The following RNF13 variants were observed in gnomAD, a reference collection of about 807,000 sequenced individuals.
The protein encoded by RNF13 is E3 ubiquitin-protein ligase RNF13.
RNF13 carries 19 observed loss-of-function variants against 37.7 expected under a neutral mutation model. The ratio of observed to expected loss-of-function variants is 0.50; its 90% CI spans 0.35 to 0.74. The LOEUF (loss-of-function observed/expected upper bound fraction) is 0.74, where lower values mean the gene tolerates loss of function less well. Among genes scored for constraint, RNF13 ranks in the 30% least tolerant of loss-of-function variants. The probability of loss-of-function intolerance (pLI) is 0.01; values close to 1 mark genes in which losing one functional copy is unlikely to be tolerated. For missense variants in RNF13, 375 were observed against 453.0 expected, an observed-to-expected ratio of 0.83 and a Z score of 1.56; for synonymous variants, 144 against 157.8, an observed-to-expected ratio of 0.91 and a Z score of 0.65.
At chr3:149,906,619 T>C (rs1287047062) in intron 6 of RNF13, among the ~76,000 whole-genome samples, 2 of 150,930 alleles carry the variant, frequency 1.3e-5, no homozygotes, top group Non-Finnish European at 2.9e-5. Context: ...AAGAGTGTGG[T>C]ATGTCCTTTC....
chr3:149,892,821 G>A (rs1714851967), intron 4 of RNF13, among the ~76,000 whole-genome samples: 1 of 152,086 alleles, frequency 6.6e-6, no homozygotes, highest in African/African-American at 2.4e-5. Flanking sequence ...AAAAGGTTGG[G>A]GACCCCTGGG....
intron 5 of RNF13, 138 bp from the exon 6 acceptor site, chr3:149,901,934 G>T (rs1006478260): frequency 9.0e-5 from 39 of 435,138 alleles, no homozygotes; most frequent in Non-Finnish European, 1.3e-4. Flanking sequence ...AATAAAATCT[G>T]CAATCTGGAA....
chr3:149,956,029 C>A (rs1721829240), intron 8 of RNF13, among the ~76,000 whole-genome samples: 1 of 152,028 alleles, frequency 6.6e-6, no homozygotes, highest in African/African-American at 2.4e-5. Context: ...TGAAAGAAGG[C>A]CACAAGGATG....
intron 4 of RNF13, among the ~76,000 whole-genome samples, chr3:149,887,834 G>A (rs1714221477): frequency 6.6e-6 from 1 of 152,148 alleles, no homozygotes; most frequent in Non-Finnish European, 1.5e-5. Flanking sequence ...TAAGGAGAAA[G>A]CATTCAGTCT....
chr3:149,830,664 A>G (rs899895148), intron 1 of RNF13, among the ~76,000 whole-genome samples: 4 of 146,062 alleles, frequency 2.7e-5, no homozygotes, highest in Non-Finnish European at 6.0e-5. Context: ...TGATGATGCA[A>G]TAGAAAAGAA....
intron 1 of RNF13, among the ~76,000 whole-genome samples, chr3:149,835,141 A>G (rs1488595521): frequency 6.6e-6 from 1 of 152,228 alleles, no homozygotes; most frequent in Non-Finnish European, 1.5e-5. Context: ...CCAAAAGCAC[A>G]GGCAAGAAAA....
At chr3:149,841,796 A>G (rs1279479448) in intron 1 of RNF13, among the ~76,000 whole-genome samples, 2 of 151,846 alleles carry the variant, frequency 1.3e-5, no homozygotes, top group African/African-American at 2.4e-5. Flanking sequence ...TGCCTGGCTA[A>G]TTTTTGTATT....
At chr3:149,928,143 C>A (rs1185067834) in intron 8 of RNF13, among the ~76,000 whole-genome samples, 2 of 151,510 alleles carry the variant, frequency 1.3e-5, no homozygotes, top group Admixed American at 6.6e-5. Context: ...AAATTCAGCA[C>A]AATTCCTATC....
intron 1 of RNF13, among the ~76,000 whole-genome samples, chr3:149,837,189 C>G (rs935293973): frequency 6.6e-6 from 1 of 152,162 alleles, no homozygotes; most frequent in Non-Finnish European, 1.5e-5. Flanking sequence ...CTGAAAAGAT[C>G]ACTGAAGAGT....
At chr3:149,925,485 T>A (rs561968129) in intron 8 of RNF13, among the ~76,000 whole-genome samples, 2 of 152,346 alleles carry the variant, frequency 1.3e-5, no homozygotes, top group Non-Finnish European at 2.9e-5. Flanking sequence ...TAATTTTGCC[T>A]ATTTTTGAAT....
intron 3 of RNF13, among the ~76,000 whole-genome samples, chr3:149,860,271 ATATATATAT>A (rs1341565659): frequency 1.5e-4 from 12 of 82,004 alleles, no homozygotes; most frequent in Admixed American, 3.2e-4. Flanking sequence ...AAAAAAAAAA[ATATATATAT>A]ATATATATAT....
At chr3:149,955,406 CAGAA>C (rs1721767497) in intron 8 of RNF13, among the ~76,000 whole-genome samples, 1 of 151,880 alleles carries the variant, frequency 6.6e-6, no homozygotes, top group African/African-American at 2.4e-5. Context: ...TGGAAATAAT[CAGAA>C]AGAGTTCTCA....
At position 149,956,019 on chromosome 3, in the gene RNF13, T is replaced by C. The variant is rs548008694; in HGVS notation, c.701-4037T>C. Among the ~76,000 whole-genome samples the C allele has an allele frequency of 2.4e-3, 367 of 152,232 alleles. 2 individuals carry two copies. The highest frequency in any genetic ancestry group is 3.3e-3 in the Non-Finnish European group (226 of 67,998). On this transcript the variant is annotated intron_variant, in intron 8 of 9. Coordinates refer to ENST00000392894, the MANE Select transcript of RNF13 (RefSeq NM_183381.3). ...CTTACTATCATATTTATTCAAAGAC[T>C]GAAAGAAGGCCACAAGGATGAAGCA...
intron 6 of RNF13, among the ~76,000 whole-genome samples, chr3:149,904,010 A>G (rs1716140012): frequency 6.6e-6 from 1 of 151,830 alleles, no homozygotes. Flanking sequence ...CCTATCATCT[A>G]TCTATTTATC....
At chr3:149,916,606 A>G (rs1717539297) in intron 7 of RNF13, among the ~76,000 whole-genome samples, 1 of 152,026 alleles carries the variant, frequency 6.6e-6, no homozygotes, top group African/African-American at 2.4e-5. Flanking sequence ...TCTTTCTTCT[A>G]CCTTGTCTGG....
At chr3:149,838,856 A>G (rs1040285344) in intron 1 of RNF13, among the ~76,000 whole-genome samples, 6 of 143,872 alleles carry the variant, frequency 4.2e-5, no homozygotes, top group African/African-American at 1.6e-4. Flanking sequence ...TTTCTATTGC[A>G]TCATCAGGCT....
chr3:149,880,681 G>A (rs1286693896), intron 4 of RNF13, among the ~76,000 whole-genome samples: 1 of 151,752 alleles, frequency 6.6e-6, no homozygotes, highest in African/African-American at 2.4e-5. Context: ...ATTATCTTTA[G>A]TACTAATCAT....
intron 3 of RNF13, among the ~76,000 whole-genome samples, chr3:149,868,830 T>A (rs1053469988): frequency 1.3e-5 from 2 of 151,850 alleles, no homozygotes; most frequent in African/African-American, 4.8e-5. Flanking sequence ...GGGGTAGTCT[T>A]ATTTGGGTCA....
chr3:149,854,362 T>C (rs1723439527), intron 3 of RNF13, among the ~76,000 whole-genome samples: 1 of 152,200 alleles, frequency 6.6e-6, no homozygotes, highest in African/African-American at 2.4e-5. Flanking sequence ...TCTTCAGAGT[T>C]AAATATTATC....
Sources: gnomAD v4.1 joint callset for allele counts (sites outside exome capture counted in the v4.1 genomes callset) on GRCh38, gnomAD v4.1.1 for gene constraint, MANE v1.5 for transcripts, NCBI Gene and HGNC (gene_info 2026-07-23, HGNC 2026-07-21) for gene names.